TMEM132D: variants seen among roughly 807,000 people sequenced by gnomAD.
The protein encoded by TMEM132D is transmembrane protein 132D, also known as mature OL transmembrane protein.
A neutral mutation model predicts 62.3 loss-of-function variants in TMEM132D; 21 were observed. That is an observed-to-expected ratio of 0.34 (90% CI 0.24 to 0.49). The LOEUF (loss-of-function observed/expected upper bound fraction) is 0.49, where lower values mean the gene tolerates loss of function less well. TMEM132D is among the 20% of genes least tolerant of loss of function. The pLI, the probability that TMEM132D is intolerant of heterozygous loss-of-function variation, is 0.99. For synonymous variants in TMEM132D, 621 were observed against 575.6 expected, an observed-to-expected ratio of 1.08 and a Z score of -1.13; for missense variants, 1,346 against 1,402.8, an observed-to-expected ratio of 0.96 and a Z score of 0.65.
At chr12:129,431,756 T>G (rs983491776) in intron 3 of TMEM132D, among the ~76,000 whole-genome samples, 8 of 152,334 alleles carry the variant, frequency 5.3e-5, no homozygotes, top group African/African-American at 1.9e-4. Flanking sequence ...AACTTAAACC[T>G]GCACATCCTG....
chr12:129,860,436 C>A (rs1273031244), intron 1 of TMEM132D, among the ~76,000 whole-genome samples: 1 of 152,190 alleles, frequency 6.6e-6, no homozygotes, highest in Non-Finnish European at 1.5e-5. Flanking sequence ...GGAATAATTT[C>A]TGTCTTACAG....
intron 3 of TMEM132D, among the ~76,000 whole-genome samples, chr12:129,430,346 T>C (rs538641809): frequency 6.6e-6 from 1 of 152,340 alleles, no homozygotes; most frequent in East Asian, 1.9e-4. Flanking sequence ...ATGATGAGCA[T>C]TTTTTCATGT....
At chr12:129,701,996 T>C (rs1407737972) in intron 1 of TMEM132D, among the ~76,000 whole-genome samples, 1 of 152,202 alleles carries the variant, frequency 6.6e-6, no homozygotes, top group African/African-American at 2.4e-5. Flanking sequence ...CTGACCCTCG[T>C]TGTTTCCCAT....
chr12:129,195,605 AC>A lies in TMEM132D; in HGVS notation c.1443+13914del, dbSNP rs573129839. On this transcript the variant is annotated intron_variant, in intron 5 of 8. Transcript: ENST00000422113. ...CACTTATCTGGTTCTAAATAGTTAA[AC>A]CAGGGAAGGCTTTGTGCAGACAGTC... Among the ~76,000 whole-genome samples, 455 of 152,238 alleles carry A rather than the reference AC, an allele frequency of 3.0e-3. 1 individual carries two copies. The highest frequency in any genetic ancestry group is 4.7e-3 in the Non-Finnish European group (323 of 68,018).
chr12:129,678,596 T>TA (rs1405342832), intron 2 of TMEM132D, among the ~76,000 whole-genome samples: 2 of 152,152 alleles, frequency 1.3e-5, no homozygotes, highest in Non-Finnish European at 2.9e-5. Flanking sequence ...TCCCTAAACT[T>TA]ACGGTTTGTC....
chr12:129,473,406 T>G (rs959768167), intron 3 of TMEM132D, among the ~76,000 whole-genome samples: 2 of 135,530 alleles, frequency 1.5e-5, no homozygotes, highest in African/African-American at 5.3e-5. Context: ...CTCGGCTCAC[T>G]GCAACCTCCA....
intron 5 of TMEM132D, among the ~76,000 whole-genome samples, chr12:129,185,268 A>G (rs1169207464): frequency 6.6e-6 from 1 of 152,238 alleles, no homozygotes; most frequent in Non-Finnish European, 1.5e-5. Context: ...AAGCTTTCAA[A>G]GAAATGAGAT....
At chr12:129,672,901 C>T (rs1044161761) in intron 2 of TMEM132D, among the ~76,000 whole-genome samples, 2 of 152,116 alleles carry the variant, frequency 1.3e-5, no homozygotes, top group African/African-American at 4.8e-5. Flanking sequence ...GCGTGCACCA[C>T]CACGCCCAGC....
At chr12:129,398,586 G>A (rs535368019) in intron 3 of TMEM132D, among the ~76,000 whole-genome samples, 2 of 152,224 alleles carry the variant, frequency 1.3e-5, no homozygotes, top group South Asian at 4.2e-4. Context: ...AGGAGGAGGG[G>A]GTTGGCTATG....
intron 3 of TMEM132D, among the ~76,000 whole-genome samples, chr12:129,426,621 G>A (rs1276454013): frequency 2.0e-5 from 3 of 152,156 alleles, no homozygotes; most frequent in African/African-American, 4.8e-5. Flanking sequence ...TAAGACATTG[G>A]AGCAAGCGCT....
At chr12:129,267,062 C>T (rs1202530252) in intron 4 of TMEM132D, among the ~76,000 whole-genome samples, 1 of 152,176 alleles carries the variant, frequency 6.6e-6, no homozygotes, top group Non-Finnish European at 1.5e-5. Context: ...AAGCCCCTTC[C>T]TAAGTCTCTG....
chr12:129,251,490 T>A (rs1880265789), intron 4 of TMEM132D, among the ~76,000 whole-genome samples: 1 of 151,996 alleles, frequency 6.6e-6, no homozygotes. Context: ...TAAAAAACTC[T>A]AAAGTGTTCC....
chr12:129,324,815 G>A (rs966896205), intron 4 of TMEM132D, among the ~76,000 whole-genome samples: 9 of 152,000 alleles, frequency 5.9e-5, no homozygotes, highest in South Asian at 2.1e-4. Flanking sequence ...GCAATAGAGC[G>A]AGACTCCATC....
At chr12:129,616,692 T>C (rs1177570583) in intron 2 of TMEM132D, among the ~76,000 whole-genome samples, 1 of 152,206 alleles carries the variant, frequency 6.6e-6, no homozygotes, top group African/African-American at 2.4e-5. Flanking sequence ...AGGACGTGTC[T>C]GCTTCCCCTT....
intron 3 of TMEM132D, among the ~76,000 whole-genome samples, chr12:129,452,157 C>T (rs1030889152): frequency 6.6e-6 from 1 of 152,294 alleles, no homozygotes; most frequent in African/African-American, 2.4e-5. Context: ...TTCCATCTGG[C>T]CCACTTTACA....
intron 2 of TMEM132D, among the ~76,000 whole-genome samples, chr12:129,636,399 A>G (rs931290211): frequency 6.6e-6 from 1 of 152,116 alleles, no homozygotes; most frequent in South Asian, 2.1e-4. Context: ...TGCTACAAAC[A>G]GTTTGTTTTC....
chr12:129,380,591 A>G (rs1239118336), intron 3 of TMEM132D, among the ~76,000 whole-genome samples: 1 of 151,708 alleles, frequency 6.6e-6, no homozygotes, highest in Non-Finnish European at 1.5e-5. Context: ...GTGCATCTCT[A>G]TTTAGTTCTA....
intron 2 of TMEM132D, among the ~76,000 whole-genome samples, chr12:129,635,090 G>A (rs966312027): frequency 2.6e-5 from 4 of 152,104 alleles, no homozygotes; most frequent in African/African-American, 9.7e-5. Context: ...TAATAAACAT[G>A]ATCATAAAGA....
chr12:129,879,120 A>G (rs1345206287), intron 1 of TMEM132D, among the ~76,000 whole-genome samples: 1 of 152,216 alleles, frequency 6.6e-6, no homozygotes. Context: ...TTAGGCCCCA[A>G]GTGATATATT....
Sources: allele counts gnomAD v4.1 joint callset (sites outside exome capture counted in the v4.1 genomes callset), GRCh38; gene constraint gnomAD v4.1.1; transcripts MANE v1.5; gene names NCBI Gene and HGNC (gene_info 2026-07-23, HGNC 2026-07-21).